DNER: variants seen among roughly 807,000 people sequenced by gnomAD.
DNER encodes delta and Notch-like epidermal growth factor-related receptor.
In DNER, 33 loss-of-function variants were observed where a neutral mutation model predicts 78.2. That is an observed-to-expected ratio of 0.42 (90% CI 0.32 to 0.56). The LOEUF is 0.56. Ranked by LOEUF, DNER falls within the 20% of genes least tolerant of loss-of-function variation. The probability of loss-of-function intolerance (pLI) is 0.11; values close to 1 mark genes in which losing one functional copy is unlikely to be tolerated. For synonymous variants in DNER, 417 were observed against 384.8 expected, an observed-to-expected ratio of 1.08 and a Z score of -0.98; for missense variants, 918 against 975.3, an observed-to-expected ratio of 0.94 and a Z score of 0.78.
intron 1 of DNER, among the ~76,000 whole-genome samples, chr2:229,649,476 T>C (rs562909102): frequency 4.6e-5 from 7 of 152,328 alleles, no homozygotes; most frequent in Middle Eastern, 3.4e-3. Flanking sequence ...TCCTGATTTA[T>C]AGGGTTTCCA....
intron 8 of DNER, among the ~76,000 whole-genome samples, chr2:229,422,160 G>A (rs1693781820): frequency 6.6e-6 from 1 of 152,070 alleles, no homozygotes; most frequent in Non-Finnish European, 1.5e-5. Flanking sequence ...TTTATACTCA[G>A]TGCCAAGCAG....
At chr2:229,468,853 G>C (rs1234268033) in intron 7 of DNER, among the ~76,000 whole-genome samples, 1 of 152,106 alleles carries the variant, frequency 6.6e-6, no homozygotes, top group African/African-American at 2.4e-5. Flanking sequence ...GACAGCCAAA[G>C]AAGGGGCCTC....
intron 7 of DNER, among the ~76,000 whole-genome samples, chr2:229,458,246 G>GAT (rs1439398419): frequency 6.7e-6 from 1 of 149,090 alleles, no homozygotes; most frequent in African/African-American, 2.5e-5. Flanking sequence ...AGAAAAGGTA[G>GAT]ACTTCAAGAC....
intron 4 of DNER, among the ~76,000 whole-genome samples, chr2:229,558,151 C>A (rs1373892140): frequency 6.6e-6 from 1 of 152,170 alleles, no homozygotes; most frequent in Non-Finnish European, 1.5e-5. Context: ...ACTGCATGTT[C>A]TCACTTATAA....
rs75235307 is a variant in DNER, at chr2:229,619,873, G to A, written c.277-27985C>T. On this transcript the variant is annotated intron_variant, in intron 1 of 12. Transcript: ENST00000341772. ...CTACAGTGATTTCTAGTTGGATAAT[G>A]TTTACATCTATTATTTCGTCTCTCA... Among the ~76,000 whole-genome samples the A allele has an allele frequency of 9.8e-3, 1,489 of 152,268 alleles. 21 individuals are homozygous for A. The highest frequency in any genetic ancestry group is 0.034 in the African/African-American group (1,431 of 41,530).
chr2:229,655,433 G>C (rs764570183), intron 1 of DNER, among the ~76,000 whole-genome samples: 1 of 152,106 alleles, frequency 6.6e-6, no homozygotes, highest in Non-Finnish European at 1.5e-5. Flanking sequence ...AATACCATCA[G>C]ACTCAGGAAA....
At chr2:229,439,183 C>A (rs1237225859) in intron 8 of DNER, among the ~76,000 whole-genome samples, 1 of 152,204 alleles carries the variant, frequency 6.6e-6, no homozygotes, top group Non-Finnish European at 1.5e-5. Flanking sequence ...CTTAACCCTG[C>A]AAGAAGTTGA....
At chr2:229,595,656 CT>C (rs1164564936) in intron 1 of DNER, among the ~76,000 whole-genome samples, 2 of 152,170 alleles carry the variant, frequency 1.3e-5, no homozygotes, top group African/African-American at 4.8e-5. Context: ...CCTCCTGCCC[CT>C]GACCTCCCTC....
At chr2:229,504,196 G>A (rs1695686666) in intron 6 of DNER, among the ~76,000 whole-genome samples, 1 of 152,060 alleles carries the variant, frequency 6.6e-6, no homozygotes, top group Admixed American at 6.6e-5. Context: ...TATACCCTTT[G>A]TAATATCCTT....
At chr2:229,647,978 A>G (rs970362722) in intron 1 of DNER, among the ~76,000 whole-genome samples, 3 of 152,222 alleles carry the variant, frequency 2.0e-5, no homozygotes, top group African/African-American at 7.2e-5. Context: ...CACAAAGGTC[A>G]TGATGCACAT....
At chr2:229,662,252 T>C (rs975192601) in intron 1 of DNER, among the ~76,000 whole-genome samples, 7 of 152,206 alleles carry the variant, frequency 4.6e-5, no homozygotes, top group African/African-American at 1.7e-4. Flanking sequence ...ACTTCACCCA[T>C]TGCAGATGCA....
intron 7 of DNER, 84 bp downstream of exon 7, chr2:229,477,056 G>GCAGAAA: frequency 9.1e-7 from 1 of 1,100,074 alleles, no homozygotes; most frequent in South Asian, 1.6e-5. Flanking sequence ...GTAGAGTTTT[G>GCAGAAA]CAGAAACAAA....
At chr2:229,405,801 T>C (rs1693366375) in intron 10 of DNER, among the ~76,000 whole-genome samples, 2 of 152,190 alleles carry the variant, frequency 1.3e-5, no homozygotes, top group South Asian at 4.1e-4. Flanking sequence ...AGATCAATTT[T>C]CAGTGGTGGG....
At chr2:229,604,355 C>A (rs1191931826) in intron 1 of DNER, among the ~76,000 whole-genome samples, 2 of 152,126 alleles carry the variant, frequency 1.3e-5, no homozygotes, top group Non-Finnish European at 2.9e-5. Context: ...AAAAATATTT[C>A]TTGTCTGAAA....
chr2:229,515,390 C>T (rs934980101), intron 5 of DNER, among the ~76,000 whole-genome samples: 70 of 152,260 alleles, frequency 4.6e-4, no homozygotes, highest in African/African-American at 1.6e-3. Flanking sequence ...ATGCTGTGCA[C>T]GCCCAGTGCA....
intron 11 of DNER, among the ~76,000 whole-genome samples, chr2:229,369,742 A>T (rs367750004): frequency 6.6e-6 from 1 of 152,200 alleles, no homozygotes; most frequent in East Asian, 1.9e-4. Context: ...CAAGAACATC[A>T]AGTTACTTCC....
chr2:229,524,352 T>C (rs1329918536), intron 5 of DNER, among the ~76,000 whole-genome samples: 2 of 152,248 alleles, frequency 1.3e-5, no homozygotes, highest in African/African-American at 4.8e-5. Flanking sequence ...AAAGGAGATG[T>C]GCGTAACCCA....
chr2:229,413,678 C>T (rs1375357352), intron 9 of DNER, among the ~76,000 whole-genome samples: 1 of 151,150 alleles, frequency 6.6e-6, no homozygotes, highest in Non-Finnish European at 1.5e-5. Flanking sequence ...CTATTGCACT[C>T]ATTCTTTTTA....
At chr2:229,665,085 T>A (rs932464623) in intron 1 of DNER, among the ~76,000 whole-genome samples, 1 of 152,162 alleles carries the variant, frequency 6.6e-6, no homozygotes, top group Non-Finnish European at 1.5e-5. Flanking sequence ...AATATAAACT[T>A]CATTAGGGCT....
Sources: allele counts gnomAD v4.1 joint callset (sites outside exome capture counted in the v4.1 genomes callset), GRCh38; gene constraint gnomAD v4.1.1; transcripts MANE v1.5; gene names NCBI Gene and HGNC (gene_info 2026-07-23, HGNC 2026-07-21).